GALK2: variants seen among roughly 807,000 people sequenced by gnomAD.
GALK2 encodes the protein galactokinase 2.
A neutral mutation model predicts 52.4 loss-of-function variants in GALK2; 36 were observed. The ratio of observed to expected loss-of-function variants is 0.69; its 90% CI spans 0.53 to 0.91. GALK2 has a LOEUF of 0.91. Among genes scored for constraint, GALK2 ranks in the 40% least tolerant of loss-of-function variants. GALK2 has a pLI of 0.00. For synonymous variants in GALK2, 176 were observed against 199.1 expected (o/e 0.88, Z 0.98); for missense variants, 579 against 559.1 (o/e 1.04, Z -0.36).
chr15:49,366,463 G>T (rs1315474233), intron 3 of GALK2: 3 of 1,014,512 alleles, frequency 3.0e-6, no homozygotes, highest in African/African-American at 3.1e-5. Flanking sequence ...CATCAGAAAG[G>T]TTGCATAGTG....
At chr15:49,187,913 C>T (rs1436078117) in intron 1 of GALK2, among the ~76,000 whole-genome samples, 1 of 152,050 alleles carries the variant, frequency 6.6e-6, no homozygotes, top group Non-Finnish European at 1.5e-5. Flanking sequence ...CCCAGGAGTC[C>T]TTGGGTGGTC....
chr15:49,235,893 C>A lies in GALK2; in HGVS notation c.309C>A (p.Thr103=). 1 of 1,613,708 alleles carries A rather than the reference C, an allele frequency of 6.2e-7. No homozygotes were observed. Among genetic ancestry groups the A allele is most frequent in the African/African-American group, 1.3e-5 (1 of 75,012 alleles). ...TSANNIQIDK[T]KPLWHNYFLC... ...CTAATAACATCCAGATTGATAAAAC[C>A]AAGCCTTTGTGGCACAACTATTTCT... Residue 103 remains threonine (T), a synonymous_variant, in exon 4 of 10, where the codon ACC becomes ACA. Coordinates refer to ENST00000560031, the MANE Select transcript of GALK2 (RefSeq NM_002044.4).
intron 5 of GALK2, among the ~76,000 whole-genome samples, chr15:49,256,979 A>G (rs1566984332): frequency 1.3e-5 from 2 of 152,186 alleles, no homozygotes; most frequent in South Asian, 2.1e-4. Context: ...TTGAGATTCT[A>G]TCAATTTTAC....
chr15:49,218,272 ATCTTGTGTG>A (rs2089539812), intron 3 of GALK2, among the ~76,000 whole-genome samples: 1 of 152,194 alleles, frequency 6.6e-6, no homozygotes, highest in Non-Finnish European at 1.5e-5. Flanking sequence ...TTGATAATAT[ATCTTGTGTG>A]CATTTTGGAC....
intron 4 of GALK2, 45 bp downstream of exon 4, chr15:49,235,986 G>A (rs780106843): frequency 2.8e-6 from 3 of 1,075,086 alleles, no homozygotes; most frequent in Non-Finnish European, 2.9e-6. Flanking sequence ...AGATTATCAT[G>A]TGTATTCTGT....
intron 5 of GALK2, among the ~76,000 whole-genome samples, chr15:49,255,969 G>T (rs888071904): frequency 2.3e-4 from 35 of 152,094 alleles, no homozygotes; most frequent in African/African-American, 7.7e-4. Flanking sequence ...ACTAAGCTTG[G>T]AATAAACTGT....
chr15:49,172,014 C>G (rs2085135701), intron 1 of GALK2, among the ~76,000 whole-genome samples: 1 of 152,152 alleles, frequency 6.6e-6, no homozygotes, highest in Non-Finnish European at 1.5e-5. Flanking sequence ...CTCAAGTGAT[C>G]CGCCCGTCTC....
rs199516811 is a variant in GALK2, at chr15:49,328,148, C to T, written c.1366C>T (p.Leu456Phe). The T allele has an allele frequency of 5.0e-6, 8 of 1,613,236 alleles. No homozygotes were observed. In the African/African-American group the frequency reaches 9.4e-5, roughly 19 times the overall value. Residue 456 changes from leucine (L) to phenylalanine (F), a missense_variant, in exon 10 of 10, where the codon CTT becomes TTT. By Grantham distance (22) the Leu-to-Phe change is conservative. Transcript: ENST00000560031. The stretch of plus-strand genomic sequence containing the variant: ...ACCTGGAGGTGGGGCTTTGGTTTTG[C>T]TTGAGGCCTGAAAAAATGTAAAAAG... ...TKPGGGALVL[L>F]EA
intron 2 of GALK2, among the ~76,000 whole-genome samples, chr15:49,204,288 C>CTTCTTTTATTTTT (rs1366870735): frequency 1.3e-5 from 2 of 150,558 alleles, no homozygotes; most frequent in Non-Finnish European, 3.0e-5. Context: ...TCTTCTTCTT[C>CTTCTTTTATTTTT]TTCTTTTATT....
chr15:49,201,461 A>G (rs1262343826), intron 2 of GALK2, among the ~76,000 whole-genome samples: 2 of 152,104 alleles, frequency 1.3e-5, no homozygotes, highest in Non-Finnish European at 2.9e-5. Context: ...TTTTAAATGT[A>G]TTAATTTGTT....
intron 8 of GALK2, among the ~76,000 whole-genome samples, chr15:49,299,813 C>G (rs1258770383): frequency 8.4e-6 from 1 of 118,964 alleles, no homozygotes; most frequent in East Asian, 2.2e-4. Context: ...AGTCTGAGAG[C>G]GTGATTGGTA....
intron 3 of GALK2, chr15:49,367,470 G>A (rs763001854): frequency 3.8e-6 from 6 of 1,593,922 alleles, no homozygotes; most frequent in African/African-American, 1.4e-5. Flanking sequence ...ATCTTAGTGA[G>A]TTTAATCTTG....
Position 49,273,465 on chromosome 15 carries a change from C to T in GALK2, c.505-8522C>T, listed in dbSNP as rs186211913. ...GCAACTTTTCTTGAAGTAAAAAATG[C>T]GAAAGTTGCTAATTCCTTTGCATTA... On this transcript the variant is annotated intron_variant, in intron 5 of 9. Coordinates refer to ENST00000560031, the MANE Select transcript of GALK2 (RefSeq NM_002044.4). Among the ~76,000 whole-genome samples, 477 of 151,790 alleles carry T rather than the reference C, an allele frequency of 3.1e-3. 1 individual carries two copies. The highest frequency in any genetic ancestry group is 5.2e-3 in the Non-Finnish European group (355 of 67,938).
chr15:49,159,460 A>G (rs2084570463), intron 1 of GALK2, among the ~76,000 whole-genome samples: 1 of 151,964 alleles, frequency 6.6e-6, no homozygotes, highest in African/African-American at 2.4e-5. Context: ...GGGTGCCTGT[A>G]ATTCCAGCTG....
chr15:49,349,209 T>A (rs1314498673), intron 3 of GALK2, among the ~76,000 whole-genome samples: 2 of 152,186 alleles, frequency 1.3e-5, no homozygotes, highest in Admixed American at 6.5e-5. Context: ...TTTTTAATTG[T>A]CTCTGGCTCA....
intron 5 of GALK2, among the ~76,000 whole-genome samples, chr15:49,253,007 C>T (rs1425392027): frequency 6.9e-6 from 1 of 144,318 alleles, no homozygotes; most frequent in Non-Finnish European, 1.6e-5. Flanking sequence ...GAGTATTTAT[C>T]AATCATCTTA....
chr15:49,295,115 A>G (rs892237985), intron 8 of GALK2, among the ~76,000 whole-genome samples: 3 of 151,364 alleles, frequency 2.0e-5, no homozygotes, highest in African/African-American at 4.8e-5. Context: ...TTCAGTTGCA[A>G]TTGGCAATTG....
At position 49,270,402 on chromosome 15, in the gene GALK2, T is replaced by TTTCC. The variant is rs1317950530; in HGVS notation, c.505-11585_505-11584insTTCC. 3.2e-3 allele frequency among the ~76,000 whole-genome samples: 494 copies of TTTCC among 152,316 alleles called. 4 individuals are homozygous for TTTCC. The highest frequency in any genetic ancestry group is 0.011 in the African/African-American group (476 of 41,568). On this transcript the variant is annotated intron_variant, in intron 5 of 9. Transcript: ENST00000560031. ...AGTATTTTCCCTGGGGGTGCTAAAT[T>TTTCC]CTGAAATGCATTTCTCACATGGATT...
intron 5 of GALK2, among the ~76,000 whole-genome samples, chr15:49,241,818 AAGAG>A (rs2091110168): frequency 6.6e-6 from 1 of 152,208 alleles, no homozygotes; most frequent in African/African-American, 2.4e-5. Context: ...AAAGAAGATA[AAGAG>A]AAACACTTGA....
Sources: gnomAD v4.1 joint callset for allele counts (sites outside exome capture counted in the v4.1 genomes callset) on GRCh38, gnomAD v4.1.1 for gene constraint, MANE v1.5 for transcripts, NCBI Gene and HGNC (gene_info 2026-07-23, HGNC 2026-07-21) for gene names.